Variants in CGNL1 observed in about 807,000 individuals in gnomAD.
CGNL1 encodes the protein cingulin like 1.
A neutral mutation model predicts 141.2 loss-of-function variants in CGNL1; 132 were observed. The observed-to-expected ratio is 0.93, with a 90% CI of 0.81 to 1.08. CGNL1 has a LOEUF of 1.08. CGNL1 is among the 50% of genes least tolerant of loss of function. CGNL1 has a pLI of 0.00. For synonymous variants in CGNL1, 690 were observed against 622.1 expected (o/e 1.11, Z -1.63); for missense variants, 1,870 against 1,588.6 (o/e 1.18, Z -3.01).
At chr15:57,440,542 G>C in intron 3 of CGNL1, 71 bp downstream of exon 3, 1 of 1,202,684 alleles carries the variant, frequency 8.3e-7, no homozygotes. Flanking sequence ...CCTTTTCCGA[G>C]GCTTTAATGG....
chr15:57,378,915 C>T (rs969543277), intron 1 of CGNL1, among the ~76,000 whole-genome samples: 8 of 152,284 alleles, frequency 5.3e-5, no homozygotes, highest in South Asian at 2.1e-4. Context: ...CTGTGGGAGC[C>T]GTCTTCATTG....
intron 4 of CGNL1, among the ~76,000 whole-genome samples, chr15:57,450,623 A>C (rs538156183): frequency 6.6e-6 from 1 of 152,174 alleles, no homozygotes; most frequent in Non-Finnish European, 1.5e-5. Context: ...GTCTGTGCTT[A>C]TAAAATTTTA....
At chr15:57,502,054 T>C (rs146671934) in intron 8 of CGNL1, among the ~76,000 whole-genome samples, 6 of 152,328 alleles carry the variant, frequency 3.9e-5, no homozygotes, top group Non-Finnish European at 8.8e-5. Context: ...AGGATGCTGA[T>C]AGGCCCAACT....
intron 1 of CGNL1, among the ~76,000 whole-genome samples, chr15:57,429,477 A>C (rs78372349): frequency 0.031 from 4,680 of 152,318 alleles, 227 homozygotes; most frequent in East Asian, 0.13. Context: ...TATAATTTGG[A>C]CTTAGGCTTC....
chr15:57,540,951 T>C (rs1234764786), intron 14 of CGNL1, among the ~76,000 whole-genome samples: 2 of 152,198 alleles, frequency 1.3e-5, no homozygotes, highest in Non-Finnish European at 2.9e-5. Flanking sequence ...GGGAAACTCC[T>C]AATGGTTGAG....
Position 57,438,530 on chromosome 15 carries a change from G to T in CGNL1, c.531G>T (p.Thr177=), listed in dbSNP as rs376546940. ...HQPSESNWLK[T]LTEEGINNKK... is the part of the protein sequence containing the mutation. ...CTTCTGAGAGTAATTGGCTAAAAAC[G>T]TTGACAGAAGAAGGCATCAACAATA... is the stretch of plus-strand genomic sequence containing the variant. The change falls in exon 2 of 19, where the codon ACG becomes ACT. Residue 177 remains threonine (T), a synonymous_variant. Transcript: ENST00000281282. The T allele has an allele frequency of 2.5e-6, 4 of 1,613,882 alleles. No homozygotes were observed. Among genetic ancestry groups the T allele is most frequent in the African/African-American group, 2.7e-5 (2 of 74,912 alleles).
chr15:57,461,927 C>G, intron 8 of CGNL1, 35 bp downstream of exon 8: 2 of 1,537,888 alleles, frequency 1.3e-6, no homozygotes, highest in Non-Finnish European at 1.8e-6. Context: ...GGCTTGTGAA[C>G]AGATGAAAGG....
intron 1 of CGNL1, among the ~76,000 whole-genome samples, chr15:57,426,267 C>G (rs1214141295): frequency 1.3e-5 from 2 of 152,122 alleles, no homozygotes; most frequent in South Asian, 2.1e-4. Context: ...GCCTCAGCCT[C>G]CTGAGTAGCT....
chr15:57,423,602 TGCTCCA>T (rs1279409562), intron 1 of CGNL1, among the ~76,000 whole-genome samples: 1 of 152,244 alleles, frequency 6.6e-6, no homozygotes, highest in Non-Finnish European at 1.5e-5. Context: ...TGTGCAATGA[TGCTCCA>T]GTCTTTGCCT....
chr15:57,481,727 T>C (rs1351709434), intron 8 of CGNL1, among the ~76,000 whole-genome samples: 1 of 152,196 alleles, frequency 6.6e-6, no homozygotes, highest in African/African-American at 2.4e-5. Context: ...TTTTCTTGGA[T>C]AAATATCTAG....
intron 4 of CGNL1, among the ~76,000 whole-genome samples, chr15:57,451,169 C>G (rs1238092796): frequency 6.6e-6 from 1 of 152,060 alleles, no homozygotes; most frequent in Admixed American, 6.6e-5. Flanking sequence ...TTATAATATT[C>G]TACAGAATAC....
chr15:57,548,924 G>A lies in CGNL1; in HGVS notation c.*1434G>A, dbSNP rs1484503486. On this transcript the variant is annotated 3_prime_UTR_variant, in exon 19 of 19. Coordinates refer to ENST00000281282, the MANE Select transcript of CGNL1 (RefSeq NM_032866.5). ...AAAGCTGGGGGATGTGTGGGCAAGA[G>A]GTGGATTGAGCAGGATCTCAGGGTT... 1.3e-5 allele frequency: 2 copies of A among 152,620 alleles called. No homozygotes were observed. The highest frequency in any genetic ancestry group is 4.8e-5 in the African/African-American group (2 of 41,460). The allele number at this position is 152,620 out of a possible 1,614,324, so 9.5% of individuals were successfully genotyped here.
rs1555428426 is a variant in CGNL1, at chr15:57,379,048, T to TTG, written c.-16+2496_-16+2497dup. Among the ~76,000 whole-genome samples, 972 of 151,642 alleles carry TTG rather than the reference T, an allele frequency of 6.4e-3. 11 individuals carry two copies. The highest frequency in any genetic ancestry group is 0.022 in the African/African-American group (900 of 41,410). ...GGAAAGTGTTTTCCTACTGTTTTTTTTGTGTGTGTGTGTGTGAGTGAGTGA... is the reference window on the plus strand; with the variant it reads ...GGAAAGTGTTTTCCTACTGTTTTTTTTGTGTGTGTGTGTGTGTGAGTGAGTGA... On this transcript the variant is annotated intron_variant, in intron 1 of 18. Transcript: ENST00000281282.
At chr15:57,532,366 C>G (rs142255724) in intron 14 of CGNL1, among the ~76,000 whole-genome samples, 1 of 152,342 alleles carries the variant, frequency 6.6e-6, no homozygotes, top group Admixed American at 6.5e-5. Flanking sequence ...AACTAGTTAA[C>G]AGTACCTCTG....
intron 1 of CGNL1, chr15:57,397,047 G>A (rs1427352097): frequency 1.3e-5 from 2 of 152,110 alleles, no homozygotes; most frequent in African/African-American, 2.4e-5. Context: ...GGTTCAGGAC[G>A]GGGTCGCTAA....
rs1033613129 is a variant in CGNL1, at chr15:57,452,023, T to A, written c.1906-118T>A. 1.6e-5 allele frequency: 13 copies of A among 822,520 alleles called. No homozygotes were observed. The African/African-American group carries it at 2.3e-4, about 14-fold the overall frequency. The allele number at this position is 822,520 out of a possible 1,614,324, so 51.0% of individuals were successfully genotyped here. A position where few individuals can be genotyped will look rare whatever the true frequency, so the allele number is the denominator to read the frequency against. ...CTGTGCCTTAATTATATAGTTTGAT[T>A]AAGTTGTTTAATAATGTAAGTGCAA... On this transcript the variant is annotated intron_variant, in intron 5 of 18. Transcript: ENST00000281282.
chr15:57,477,859 C>A (rs964922414), intron 8 of CGNL1, among the ~76,000 whole-genome samples: 8 of 152,128 alleles, frequency 5.3e-5, no homozygotes, highest in Admixed American at 4.6e-4. Flanking sequence ...TGCTGTGTAC[C>A]ATGCCCCTCC....
At chr15:57,399,877 C>G (rs536189792) in intron 1 of CGNL1, among the ~76,000 whole-genome samples, 1 of 152,104 alleles carries the variant, frequency 6.6e-6, no homozygotes, top group African/African-American at 2.4e-5. Context: ...CTAAATAAAA[C>G]TCACTATTTT....
intron 14 of CGNL1, among the ~76,000 whole-genome samples, chr15:57,542,373 C>G (rs1268679514): frequency 6.6e-6 from 1 of 152,240 alleles, no homozygotes; most frequent in Non-Finnish European, 1.5e-5. Context: ...ATTCTTCTGG[C>G]TTCTTCAGGC....
Sources: gnomAD v4.1 joint callset for allele counts (sites outside exome capture counted in the v4.1 genomes callset) on GRCh38, gnomAD v4.1.1 for gene constraint, MANE v1.5 for transcripts, NCBI Gene and HGNC (gene_info 2026-07-23, HGNC 2026-07-21) for gene names.